Variants in ANKRD30B observed in about 807,000 individuals in gnomAD.
ANKRD30B encodes ankyrin repeat domain-containing protein 30B.
In ANKRD30B, 144 loss-of-function variants were observed where a neutral mutation model predicts 202.2. That is an observed-to-expected ratio of 0.71 (90% CI 0.62 to 0.82). The LOEUF (loss-of-function observed/expected upper bound fraction) is 0.82, where lower values mean the gene tolerates loss of function less well. ANKRD30B is among the 40% of genes least tolerant of loss of function. ANKRD30B has a pLI of 0.00. For missense variants in ANKRD30B, 1,487 were observed against 1,669.1 expected, an observed-to-expected ratio of 0.89 and a Z score of 1.90; for synonymous variants, 508 against 561.3, an observed-to-expected ratio of 0.91 and a Z score of 1.34.
the ANKRD30B span, among the ~76,000 whole-genome samples, chr18:14,865,247 C>G: frequency 6.6e-6 from 1 of 151,682 alleles, no homozygotes; most frequent in African/African-American, 2.4e-5. Flanking sequence ...TCCCACTGGC[C>G]ACCCTCTTTT....
chr18:14,829,046 C>A (rs1970790621), intron 33 of ANKRD30B, among the ~76,000 whole-genome samples: 1 of 152,024 alleles, frequency 6.6e-6, no homozygotes, highest in African/African-American at 2.4e-5. Context: ...ATTTTCTTTT[C>A]TAGAGTCTTT....
At chr18:14,795,259 T>C (rs1968797455) in intron 16 of ANKRD30B, among the ~76,000 whole-genome samples, 1 of 152,230 alleles carries the variant, frequency 6.6e-6, no homozygotes, top group South Asian at 2.1e-4. Context: ...TGCAGGGGCA[T>C]GATCTTGACT....
At chr18:14,907,710 C>T in the ANKRD30B span, among the ~76,000 whole-genome samples, 8 of 152,174 alleles carry the variant, frequency 5.3e-5, no homozygotes, top group African/African-American at 1.2e-4. Flanking sequence ...GAAGACACTG[C>T]GTCCTGTCCA....
chr18:14,790,553 A>G (rs1968417388), intron 15 of ANKRD30B, among the ~76,000 whole-genome samples: 1 of 152,138 alleles, frequency 6.6e-6, no homozygotes, highest in Non-Finnish European at 1.5e-5. Flanking sequence ...TATTACTTTG[A>G]GATACGTCCC....
intron 42 of ANKRD30B, among the ~76,000 whole-genome samples, chr18:14,853,130 T>C (rs1400465446): frequency 3.9e-5 from 6 of 152,014 alleles, no homozygotes; most frequent in Non-Finnish European, 8.8e-5. Context: ...TTATTTTGAA[T>C]ATTGTTACAA....
chr18:14,847,768 T>G (rs1392816030), intron 39 of ANKRD30B, among the ~76,000 whole-genome samples: 1 of 151,798 alleles, frequency 6.6e-6, no homozygotes, highest in Non-Finnish European at 1.5e-5. Flanking sequence ...TCCTGTGAAG[T>G]CTGAGTCTTC....
chr18:14,856,322 G>A (rs1972105582), downstream of ANKRD30B, among the ~76,000 whole-genome samples: 1 of 118,894 alleles, frequency 8.4e-6, no homozygotes, highest in African/African-American at 3.1e-5. Flanking sequence ...AGGTCAGGCA[G>A]AGGCGCTCCT....
rs1341673910 is a variant in ANKRD30B, at chr18:14,807,070, T to C, written c.2285-1481T>C. 3.8e-4 allele frequency among the ~76,000 whole-genome samples: 57 copies of C among 151,278 alleles called. No homozygotes were observed. The East Asian group carries it at 0.01, about 27-fold the overall frequency. The stretch of plus-strand genomic sequence containing the variant: ...CGGTCATGCATATTTAGCCTTAAAA[T>C]GCTTGCACATAAATTTTGTGTGTTT... On this transcript the variant is annotated intron_variant, in intron 24 of 43. Transcript: ENST00000690538.
At chr18:14,862,460 TAAA>T in the ANKRD30B span, among the ~76,000 whole-genome samples, 1 of 152,118 alleles carries the variant, frequency 6.6e-6, no homozygotes, top group Non-Finnish European at 1.5e-5. Flanking sequence ...ACCACTGACA[TAAA>T]AAAAGATCCT....
At position 14,854,571 on chromosome 18, in the gene ANKRD30B, A is replaced by C. The variant is rs116096486; in HGVS notation, c.*413A>C. On this transcript the variant is annotated 3_prime_UTR_variant, in exon 44 of 44. Transcript: ENST00000690538. ...CACAATGGACTGCAGAGTGTCATAC[A>C]TAGTTTTCAGTAAAATACTGGACAA... Among the ~76,000 whole-genome samples, 2 of 152,212 alleles carry C rather than the reference A, an allele frequency of 1.3e-5. No individual in the cohort carries two copies. The highest frequency in any genetic ancestry group is 4.8e-5 in the African/African-American group (2 of 41,448).
intron 34 of ANKRD30B, 118 bp from the exon 35 acceptor site, chr18:14,837,093 T>C (rs1007465048): frequency 6.3e-6 from 4 of 634,270 alleles, no homozygotes; most frequent in Non-Finnish European, 1.1e-5. Context: ...ATACAAAGTA[T>C]GTTTTTTGTT....
intron 11 of ANKRD30B, among the ~76,000 whole-genome samples, chr18:14,781,288 C>CT (rs892666549): frequency 0.018 from 1,514 of 85,652 alleles, 107 homozygotes; most frequent in East Asian, 0.075. Context: ...TCTGAGTATT[C>CT]TTTTTTTTTT....
chr18:14,894,115 C>T, the ANKRD30B span, among the ~76,000 whole-genome samples: 1 of 152,144 alleles, frequency 6.6e-6, no homozygotes, highest in African/African-American at 2.4e-5. Flanking sequence ...AGAGACTATG[C>T]CCTAAATAGC....
At chr18:14,852,762 C>G (rs1423347576) in intron 42 of ANKRD30B, 1 of 168,594 alleles carries the variant, frequency 5.9e-6, no homozygotes, top group African/African-American at 2.4e-5. Flanking sequence ...AATGGGAATG[C>G]CCATATCAGC....
chr18:14,816,619 T>C (rs1015905502), intron 30 of ANKRD30B: 1 of 142,230 alleles, frequency 7.0e-6, no homozygotes, highest in African/African-American at 2.7e-5. Flanking sequence ...CACTCCAGCC[T>C]GGGTGACAGG....
chr18:14,820,655 T>C (rs1970367840), intron 30 of ANKRD30B, among the ~76,000 whole-genome samples: 1 of 152,204 alleles, frequency 6.6e-6, no homozygotes. Flanking sequence ...GTTTATATGC[T>C]GGATTACATT....
Position 14,803,763 on chromosome 18 carries a change from T to A in ANKRD30B, c.2223T>A (p.Asp741Glu). The A allele has an allele frequency of 6.2e-7, 1 of 1,607,696 alleles. No individual in the cohort carries two copies. Among genetic ancestry groups the A allele is most frequent in the Non-Finnish European group, 8.5e-7 (1 of 1,178,370 alleles). ...ESFLETLLQN[D>E]VCLPKATHQK... ...TCCTTGAGACTCTCTTACAGAATGA[T>A]GTGTGTTTACCCAAGGCTACACATC... is the stretch of plus-strand genomic sequence containing the variant. The change falls in exon 24 of 44, where the codon GAT (aspartate) becomes GAA (glutamate). Residue 741 changes from aspartate (D) to glutamate (E), a missense_variant. Transcript: ENST00000690538.
At chr18:14,753,156 T>G (rs1304222245) in intron 3 of ANKRD30B, 144 bp downstream of exon 3, 4 of 635,386 alleles carry the variant, frequency 6.3e-6, no homozygotes, top group Non-Finnish European at 9.7e-6. Flanking sequence ...AGATTTAACC[T>G]TAAATATTAA....
intron 32 of ANKRD30B, among the ~76,000 whole-genome samples, chr18:14,825,716 T>C (rs906631523): frequency 6.6e-6 from 1 of 152,158 alleles, no homozygotes; most frequent in African/African-American, 2.4e-5. Flanking sequence ...GTAGGGTTGC[T>C]TTTTTCCTGT....
Sources: gnomAD v4.1 joint callset for allele counts (sites outside exome capture counted in the v4.1 genomes callset) on GRCh38, gnomAD v4.1.1 for gene constraint, MANE v1.5 for transcripts, NCBI Gene and HGNC (gene_info 2026-07-23, HGNC 2026-07-21) for gene names.